Variants in WASF2 observed in about 807,000 individuals in gnomAD.
The protein encoded by WASF2 is WASP family member 2, also known as actin-binding protein WASF2.
WASF2 carries 14 observed loss-of-function variants against 45.0 expected under a neutral mutation model. The observed-to-expected ratio is 0.31, with a 90% confidence interval of 0.21 to 0.49. The LOEUF is 0.49. Ranked by LOEUF, WASF2 falls within the 20% of genes least tolerant of loss-of-function variation. The probability of loss-of-function intolerance (pLI) is 0.99; values close to 1 mark genes in which losing one functional copy is unlikely to be tolerated. For synonymous variants in WASF2, 200 were observed against 236.3 expected (o/e 0.85, Z 1.41); for missense variants, 439 against 636.1 (o/e 0.69, Z 3.33).
chr1:27,467,626 A>G (rs1213962956), intron 1 of WASF2, among the ~76,000 whole-genome samples: 1 of 149,742 alleles, frequency 6.7e-6, no homozygotes, highest in Non-Finnish European at 1.5e-5. Flanking sequence ...ATTAAAATGA[A>G]TTTCCGGGGG....
chr1:27,487,673 ATT>A lies in WASF2; in HGVS notation c.-44+2311_-44+2312del, dbSNP rs1418971269. On this transcript the variant is annotated intron_variant, in intron 1 of 8. Coordinates refer to ENST00000618852, the MANE Select transcript of WASF2 (RefSeq NM_006990.5). ...ATATTATATAATATATATTATATATATTTTATATAATATATAATATATATTTT... is the reference window on the plus strand; with the variant it reads ...ATATTATATAATATATATTATATATATTATATAATATATAATATATATTTT... Among the ~76,000 whole-genome samples the A allele has an allele frequency of 1.7e-4, 18 of 105,770 alleles. No individual in the cohort carries two copies. The East Asian group carries it at 2.1e-3, about 12-fold the overall frequency. The allele number at this position is 105,770 out of a possible 152,430, so 69.4% of individuals were successfully genotyped here. A position where few individuals can be genotyped will look rare whatever the true frequency, so the allele number is the denominator to read the frequency against.
intron 1 of WASF2, among the ~76,000 whole-genome samples, chr1:27,487,556 A>T (rs1324382973): frequency 9.5e-6 from 1 of 105,222 alleles, no homozygotes; most frequent in African/African-American, 3.8e-5. Context: ...TATTATATAT[A>T]TTTTATACAA....
At chr1:27,457,001 C>G (rs1162505105) in intron 1 of WASF2, among the ~76,000 whole-genome samples, 2 of 151,954 alleles carry the variant, frequency 1.3e-5, no homozygotes, top group Non-Finnish European at 2.9e-5. Flanking sequence ...CTCGGCCCCC[C>G]AAAGTGCTGG....
chr1:27,488,253 G>A (rs1326677199), intron 1 of WASF2, among the ~76,000 whole-genome samples: 3 of 152,082 alleles, frequency 2.0e-5, no homozygotes, highest in African/African-American at 7.2e-5. Context: ...TCTGAGGTTT[G>A]GAAAAATTAA....
intron 1 of WASF2, among the ~76,000 whole-genome samples, chr1:27,448,829 G>T (rs2017343794): frequency 7.5e-6 from 1 of 132,784 alleles, no homozygotes; most frequent in Non-Finnish European, 1.6e-5. Context: ...GTGAAAGAGA[G>T]AGACCTCATC....
chr1:27,427,994 C>T (rs1464044373), intron 2 of WASF2, among the ~76,000 whole-genome samples: 1 of 152,012 alleles, frequency 6.6e-6, no homozygotes, highest in Non-Finnish European at 1.5e-5. Context: ...TGCATGTACC[C>T]CACCCAAGGC....
At chr1:27,485,246 T>C (rs2017907730) in intron 1 of WASF2, among the ~76,000 whole-genome samples, 1 of 152,066 alleles carries the variant, frequency 6.6e-6, no homozygotes, top group African/African-American at 2.4e-5. Context: ...TTAAATGCTA[T>C]ACAAAAAATG....
At chr1:27,436,588 T>C (rs1405057456) in intron 1 of WASF2, among the ~76,000 whole-genome samples, 1 of 152,258 alleles carries the variant, frequency 6.6e-6, no homozygotes, top group Non-Finnish European at 1.5e-5. Flanking sequence ...TAAGTCTGTA[T>C]ATTAAAATGT....
At chr1:27,481,647 G>A (rs1479138210) in intron 1 of WASF2, among the ~76,000 whole-genome samples, 1 of 151,596 alleles carries the variant, frequency 6.6e-6, no homozygotes, top group Admixed American at 6.6e-5. Context: ...CAGGGAGGGC[G>A]TGCACAGAGG....
At chr1:27,480,115 GT>G (rs2017825932) in intron 1 of WASF2, among the ~76,000 whole-genome samples, 2 of 152,148 alleles carry the variant, frequency 1.3e-5, no homozygotes, top group South Asian at 4.1e-4. Context: ...TTCACTTATA[GT>G]TCCCAATTGT....
rs918599105 is a variant in WASF2 at position 27,490,110 on chromosome 1, G to T, written c.-168C>A. 2.6e-5 allele frequency: 4 copies of T among 152,212 alleles called. No homozygotes were observed. The highest frequency in any genetic ancestry group is 2.1e-4 in the South Asian group (1 of 4,842). The allele number at this position is 152,212 out of a possible 1,614,324, so 9.4% of individuals were successfully genotyped here. On this transcript the variant is annotated 5_prime_UTR_variant, in exon 1 of 9. Coordinates refer to ENST00000618852, the MANE Select transcript of WASF2 (RefSeq NM_006990.5). ...CGGCCGGACCCCCTCAGCGCGCTAC[G>T]CCCCCAGCCGCGCTCGCCCTGCCTG... is the stretch of plus-strand genomic sequence containing the variant.
chr1:27,421,015 G>C (rs1179827789), intron 2 of WASF2, among the ~76,000 whole-genome samples: 1 of 152,212 alleles, frequency 6.6e-6, no homozygotes. Flanking sequence ...GTGAACTGCA[G>C]CTCACCTTCC....
intron 1 of WASF2, among the ~76,000 whole-genome samples, chr1:27,481,767 T>A (rs933428578): frequency 6.6e-6 from 1 of 152,138 alleles, no homozygotes; most frequent in Non-Finnish European, 1.5e-5. Context: ...TTTGTTCAAA[T>A]GGAATTAATC....
At chr1:27,427,306 G>A (rs2016999852) in intron 2 of WASF2, among the ~76,000 whole-genome samples, 2 of 152,178 alleles carry the variant, frequency 1.3e-5, no homozygotes, top group Admixed American at 6.5e-5. Context: ...AAAAATAGCT[G>A]AGAGAGAGCG....
intron 1 of WASF2, among the ~76,000 whole-genome samples, chr1:27,440,504 G>C (rs942723576): frequency 1.3e-5 from 2 of 151,042 alleles, no homozygotes; most frequent in Admixed American, 6.6e-5. Flanking sequence ...CCTGGTGACA[G>C]AGTGAGACCC....
In WASF2 at chr1:27,407,963, A is replaced by G. The variant is rs780717158; in HGVS notation, c.*226T>C. ...ACTTGAAGGAAAGAGGGAACATCCC[A>G]GCTACTGAACCTCAGGAGCCCCACA... On this transcript the variant is annotated 3_prime_UTR_variant, in exon 9 of 9. Transcript: ENST00000618852. 3 of 471,856 alleles carry G rather than the reference A, an allele frequency of 6.4e-6. No homozygotes were observed. Among genetic ancestry groups the G allele is most frequent in the Non-Finnish European group, 1.1e-5 (3 of 267,774 alleles). The allele number at this position is 471,856 out of a possible 1,614,324, so 29.2% of individuals were successfully genotyped here. A position where few individuals can be genotyped will look rare whatever the true frequency, so the allele number is the denominator to read the frequency against.
At chr1:27,425,838 CAAAAA>C (rs57916899) in intron 2 of WASF2, among the ~76,000 whole-genome samples, 12 of 50,606 alleles carry the variant, frequency 2.4e-4, no homozygotes, top group Admixed American at 6.5e-4. Flanking sequence ...GACTCCGTCT[CAAAAA>C]AAAAAAAAAA....
At chr1:27,416,537 C>T (rs1001501470) in intron 4 of WASF2, among the ~76,000 whole-genome samples, 1 of 152,210 alleles carries the variant, frequency 6.6e-6, no homozygotes, top group African/African-American at 2.4e-5. Flanking sequence ...CACTGGAAAC[C>T]TGTGTGCACA....
chr1:27,448,412 T>C (rs1023589127), intron 1 of WASF2, among the ~76,000 whole-genome samples: 1 of 152,080 alleles, frequency 6.6e-6, no homozygotes, highest in Non-Finnish European at 1.5e-5. Flanking sequence ...AGTTCCAAAT[T>C]TGGGTATCAT....
Sources: allele counts gnomAD v4.1 joint callset (sites outside exome capture counted in the v4.1 genomes callset), GRCh38; gene constraint gnomAD v4.1.1; transcripts MANE v1.5; gene names NCBI Gene and HGNC (gene_info 2026-07-23, HGNC 2026-07-21).